The following MEF2C variants were observed in gnomAD, a reference collection of about 807,000 sequenced individuals.
The protein encoded by MEF2C is myocyte enhancer factor 2C.
MEF2C carries 6 observed loss-of-function variants against 50.5 expected under a neutral mutation model. The ratio of observed to expected loss-of-function variants is 0.12; its 90% CI spans 0.07 to 0.23. MEF2C has a LOEUF of 0.23. MEF2C is among the 10% of genes least tolerant of loss of function. MEF2C has a pLI of 1.00. For missense variants in MEF2C, 276 were observed against 605.0 expected, an observed-to-expected ratio of 0.46 and a Z score of 5.70; for synonymous variants, 183 against 228.0, an observed-to-expected ratio of 0.80 and a Z score of 1.78.
chr5:88,746,456 T>TA (rs753546111), intron 6 of MEF2C: 3 of 341,410 alleles, frequency 8.8e-6, no homozygotes, highest in Non-Finnish European at 1.1e-5. Context: ...TTTTTTTTTT[T>TA]AACAAAGTGA....
At chr5:88,761,800 T>A in intron 3 of MEF2C, 1 of 158,912 alleles carries the variant, frequency 6.3e-6, no homozygotes, top group Non-Finnish European at 1.4e-5. Flanking sequence ...TGGTGTCCTG[T>A]CCCCACAGCC....
At chr5:88,782,121 A>T in intron 3 of MEF2C, 3 of 970,332 alleles carry the variant, frequency 3.1e-6, no homozygotes, top group Non-Finnish European at 3.7e-6. Flanking sequence ...TTCTAAATTT[A>T]TAAGATTTTG....
chr5:88,807,586 A>AT (rs1202668956), intron 2 of MEF2C, among the ~76,000 whole-genome samples: 3 of 152,288 alleles, frequency 2.0e-5, no homozygotes, highest in Admixed American at 2.0e-4. Flanking sequence ...TAAAACAGAG[A>AT]TTTATACCTA....
At chr5:88,877,485 T>C (rs1397410098) in intron 1 of MEF2C, among the ~76,000 whole-genome samples, 1 of 152,066 alleles carries the variant, frequency 6.6e-6, no homozygotes, top group Non-Finnish European at 1.5e-5. Flanking sequence ...AGATGTGAGA[T>C]AATAGTATAT....
At chr5:88,867,089 A>G (rs1827644874) in intron 1 of MEF2C, among the ~76,000 whole-genome samples, 1 of 152,236 alleles carries the variant, frequency 6.6e-6, no homozygotes, top group East Asian at 1.9e-4. Context: ...TTGCTTGTGA[A>G]AAGATTTATC....
chr5:88,752,893 C>T (rs977559622), intron 4 of MEF2C: 21 of 360,172 alleles, frequency 5.8e-5, no homozygotes, highest in Non-Finnish European at 7.7e-5. Flanking sequence ...TTTTTTTAAG[C>T]ATTACGAGTA....
At chr5:88,729,733 A>G (rs912026933) in intron 8 of MEF2C, among the ~76,000 whole-genome samples, 2 of 152,206 alleles carry the variant, frequency 1.3e-5, no homozygotes, top group African/African-American at 2.4e-5. Flanking sequence ...TCAGTTCTAC[A>G]TACAGCAGAG....
chr5:88,772,673 T>C, intron 3 of MEF2C: 1 of 936,670 alleles, frequency 1.1e-6, no homozygotes, highest in Non-Finnish European at 1.3e-6. Context: ...CCTCAACTTC[T>C]TCCCACATAA....
Position 88,722,144 on chromosome 5 carries a change from T to A in MEF2C, c.*460A>T. Reference sequence around the variant, plus strand: ...GGTGACCTGGTGTGTTCCTAACATTTACCAATGGCCACCCATTACCGGGTC... The same window carrying A: ...GGTGACCTGGTGTGTTCCTAACATTAACCAATGGCCACCCATTACCGGGTC... On this transcript the variant is annotated 3_prime_UTR_variant, in exon 11 of 11. Transcript: ENST00000504921. 3 of 157,198 alleles carry A rather than the reference T, an allele frequency of 1.9e-5. No homozygotes were observed. Among genetic ancestry groups the A allele is most frequent in the Admixed American group, 1.2e-4 (2 of 16,234 alleles). 9.7% of individuals were successfully genotyped at this position (157,198 alleles called of 1,614,324 possible). A position where few individuals can be genotyped will look rare whatever the true frequency, so the allele number is the denominator to read the frequency against.
intron 7 of MEF2C, 26 bp from the exon 8 acceptor site, chr5:88,730,260 T>C: frequency 6.4e-7 from 1 of 1,563,946 alleles, no homozygotes; most frequent in Non-Finnish European, 8.7e-7. Flanking sequence ...AGGAGTTTTA[T>C]TAATTAGTGT....
At chr5:88,849,609 T>G (rs570224564) in intron 1 of MEF2C, among the ~76,000 whole-genome samples, 2 of 152,338 alleles carry the variant, frequency 1.3e-5, no homozygotes, top group African/African-American at 4.8e-5. Flanking sequence ...TTTTCTCTGT[T>G]TCAGGCAAAT....
intron 8 of MEF2C, among the ~76,000 whole-genome samples, chr5:88,729,947 T>A (rs1760730990): frequency 1.3e-5 from 2 of 152,262 alleles, no homozygotes; most frequent in African/African-American, 4.8e-5. Flanking sequence ...AATATTTTAG[T>A]TTTATGTAAT....
chr5:88,871,593 A>G (rs994057483), intron 1 of MEF2C, among the ~76,000 whole-genome samples: 6 of 152,078 alleles, frequency 3.9e-5, no homozygotes, highest in African/African-American at 1.2e-4. Context: ...CAGGTTGTAT[A>G]AACTGGGCAT....
At chr5:88,867,817 A>G (rs1290821390) in intron 1 of MEF2C, among the ~76,000 whole-genome samples, 2 of 152,242 alleles carry the variant, frequency 1.3e-5, no homozygotes, top group East Asian at 1.9e-4. Context: ...ACTGGTCAAC[A>G]TATGTCGATG....
rs1760412164 is a variant in MEF2C, at chr5:88,729,404, T to TA, written c.835-58dup. 3 of 1,409,886 alleles carry TA rather than the reference T, an allele frequency of 2.1e-6. No individual in the cohort carries two copies. The South Asian group carries it at 3.7e-5, about 18-fold the overall frequency. 87.3% of individuals were successfully genotyped at this position (1,409,886 alleles called of 1,614,324 possible). ...GAATTTTTTTAAAAGTTAAAAATAT[T>TA]AGATTTCAGTATTAGTTTTCCACAT... On this transcript the variant is annotated intron_variant, in intron 8 of 10. Coordinates refer to ENST00000504921, the MANE Select transcript of MEF2C (RefSeq NM_002397.5).
rs545495135 is a variant in MEF2C at position 88,767,372 on chromosome 5, T to C, written c.259-6044A>G. On this transcript the variant is annotated intron_variant, in intron 3 of 10. Coordinates refer to ENST00000504921, the MANE Select transcript of MEF2C (RefSeq NM_002397.5). ...GCATTGTCTATACTATCTCTCCCTG[T>C]AGTACCATAGTCCCTTTTCTTTGTT... 1.3e-4 allele frequency among the ~76,000 whole-genome samples: 19 copies of C among 151,978 alleles called. 1 individual carries two copies. Among genetic ancestry groups the C allele is most frequent in the Middle Eastern group, 3.4e-3 (1 of 294 alleles).
intron 6 of MEF2C, among the ~76,000 whole-genome samples, chr5:88,745,899 G>A (rs1275581242): frequency 6.6e-6 from 1 of 152,212 alleles, no homozygotes; most frequent in Non-Finnish European, 1.5e-5. Flanking sequence ...CTGTGCCTCA[G>A]TTTCCTAATC....
chr5:88,761,521 GAA>G (rs1482086555), intron 3 of MEF2C, among the ~76,000 whole-genome samples, 193 bp from the exon 4 acceptor site: 1 of 152,148 alleles, frequency 6.6e-6, no homozygotes, highest in African/African-American at 2.4e-5. Flanking sequence ...AAATAAAAGC[GAA>G]AGATTCCTCT....
At chr5:88,804,455 G>C (rs1012667554) in intron 3 of MEF2C, 143 bp downstream of exon 3, 2 of 673,306 alleles carry the variant, frequency 3.0e-6, no homozygotes, top group African/African-American at 3.6e-5. Flanking sequence ...TAAGAGTTGC[G>C]ATAGATAATA....
Sources: gnomAD v4.1 joint callset for allele counts (sites outside exome capture counted in the v4.1 genomes callset) on GRCh38, gnomAD v4.1.1 for gene constraint, MANE v1.5 for transcripts, NCBI Gene and HGNC (gene_info 2026-07-23, HGNC 2026-07-21) for gene names.